TEK: variants seen among roughly 807,000 people sequenced by gnomAD.
TEK encodes angiopoietin-1 receptor.
A neutral mutation model predicts 131.8 loss-of-function variants in TEK; 43 were observed. The observed-to-expected ratio is 0.33, with a 90% confidence interval of 0.26 to 0.42. The LOEUF is 0.42. TEK is among the 10% of genes least tolerant of loss of function. TEK has a pLI of 1.00. For missense variants in TEK, 1,162 were observed against 1,384.4 expected (o/e 0.84, Z 2.55); for synonymous variants, 580 against 491.6 (o/e 1.18, Z -2.38).
chr9:27,176,429 G>T (rs983844701), intron 6 of TEK, among the ~76,000 whole-genome samples: 1 of 152,162 alleles, frequency 6.6e-6, no homozygotes, highest in Non-Finnish European at 1.5e-5. Flanking sequence ...AAGGTCTTCT[G>T]CCATCCCAAC....
At chr9:27,207,631 C>T (rs1587015372) in intron 15 of TEK, among the ~76,000 whole-genome samples, 1 of 152,286 alleles carries the variant, frequency 6.6e-6, no homozygotes, top group East Asian at 1.9e-4. Flanking sequence ...TGTGAGGCTG[C>T]ACTATTGATT....
At chr9:27,217,881 C>G (rs1401471817) in intron 19 of TEK, 123 bp downstream of exon 19, 7 of 861,600 alleles carry the variant, frequency 8.1e-6, no homozygotes, top group Non-Finnish European at 1.3e-5. Flanking sequence ...AACTAAAAAG[C>G]TCAGGAAATA....
At chr9:27,153,011 T>C (rs759920793) in intron 1 of TEK, among the ~76,000 whole-genome samples, 1 of 152,210 alleles carries the variant, frequency 6.6e-6, no homozygotes, top group Non-Finnish European at 1.5e-5. Flanking sequence ...CTGTTCAATA[T>C]AGAACACAGA....
At chr9:27,221,801 C>G (rs959416048) in intron 21 of TEK, among the ~76,000 whole-genome samples, 1 of 152,160 alleles carries the variant, frequency 6.6e-6, no homozygotes, top group African/African-American at 2.4e-5. Flanking sequence ...AGTGCAAAAC[C>G]GCTGAAAATT....
At chr9:27,214,516 C>T (rs767591361) in intron 18 of TEK, among the ~76,000 whole-genome samples, 22 of 152,252 alleles carry the variant, frequency 1.4e-4, no homozygotes, top group South Asian at 4.1e-4. Flanking sequence ...GCTCAGGTTC[C>T]GGCATTTATT....
intron 21 of TEK, among the ~76,000 whole-genome samples, chr9:27,223,386 G>A (rs975647985): frequency 2.6e-5 from 4 of 152,130 alleles, no homozygotes; most frequent in African/African-American, 9.7e-5. Context: ...ACATTCCTAA[G>A]CAAATGCGAA....
intron 9 of TEK, among the ~76,000 whole-genome samples, chr9:27,187,521 T>C (rs1234986704): frequency 1.3e-5 from 2 of 152,154 alleles, no homozygotes; most frequent in Non-Finnish European, 2.9e-5. Context: ...GTTGTATTCA[T>C]AGTAGCCCCA....
chr9:27,181,656 A>T (rs991185728), intron 7 of TEK, among the ~76,000 whole-genome samples: 7 of 152,148 alleles, frequency 4.6e-5, no homozygotes, highest in African/African-American at 1.7e-4. Context: ...CATTTATAGT[A>T]TGTCGTCTGT....
intron 7 of TEK, 135 bp from the exon 8 acceptor site, chr9:27,183,324 T>C: frequency 2.1e-6 from 2 of 954,366 alleles, no homozygotes; most frequent in Non-Finnish European, 3.3e-6. Context: ...AGGTGTCTTA[T>C]GTGATGACAA....
intron 2 of TEK, among the ~76,000 whole-genome samples, chr9:27,166,612 T>C (rs1290373302): frequency 1.3e-5 from 2 of 152,224 alleles, no homozygotes; most frequent in Admixed American, 6.5e-5. Context: ...TTTTTAGCTT[T>C]ATAATAATTT....
chr9:27,110,493 C>T (rs1035397997), intron 1 of TEK, among the ~76,000 whole-genome samples: 8 of 152,262 alleles, frequency 5.3e-5, no homozygotes, highest in Admixed American at 2.6e-4. Context: ...ATCACAAATA[C>T]ATTTATCATT....
At chr9:27,123,066 A>C (rs965247476) in intron 1 of TEK, among the ~76,000 whole-genome samples, 1 of 149,952 alleles carries the variant, frequency 6.7e-6, no homozygotes, top group Non-Finnish European at 1.5e-5. Context: ...AAAAAAAAAA[A>C]AAAAAAAAAA....
intron 21 of TEK, among the ~76,000 whole-genome samples, chr9:27,220,812 A>G (rs892303875): frequency 3.3e-5 from 5 of 152,230 alleles, no homozygotes; most frequent in Non-Finnish European, 4.4e-5. Flanking sequence ...TCTGGTGCCT[A>G]TGCCAACAGG....
intron 18 of TEK, among the ~76,000 whole-genome samples, chr9:27,217,316 C>T (rs1825851448): frequency 6.6e-6 from 1 of 152,138 alleles, no homozygotes; most frequent in East Asian, 1.9e-4. Flanking sequence ...ACCCCAGTTT[C>T]CCTTTTCCAC....
intron 2 of TEK, among the ~76,000 whole-genome samples, chr9:27,164,165 A>G (rs1277443938): frequency 6.6e-6 from 1 of 152,166 alleles, no homozygotes; most frequent in African/African-American, 2.4e-5. Flanking sequence ...GATCTTGGAC[A>G]GGTTACCTAG....
At chr9:27,145,431 CTT>C (rs1822880375) in intron 1 of TEK, among the ~76,000 whole-genome samples, 1 of 152,188 alleles carries the variant, frequency 6.6e-6, no homozygotes, top group Non-Finnish European at 1.5e-5. Context: ...TCCAAGATGA[CTT>C]TAAAAACAGT....
chr9:27,157,573 G>C (rs1188596202), intron 1 of TEK, among the ~76,000 whole-genome samples: 1 of 152,132 alleles, frequency 6.6e-6, no homozygotes, highest in African/African-American at 2.4e-5. Context: ...TGGCTTGTTG[G>C]GGGAATAATG....
intron 17 of TEK, 51 bp from the exon 18 acceptor site, chr9:27,213,433 C>A (rs767747959): frequency 2.9e-6 from 4 of 1,382,546 alleles, no homozygotes; most frequent in Non-Finnish European, 4.1e-6. Context: ...AAGTTTTCAG[C>A]CCTGGGGCTT....
At chr9:27,138,208 G>C (rs113645880) in intron 1 of TEK, among the ~76,000 whole-genome samples, 2,632 of 152,322 alleles carry the variant, frequency 0.017, 34 homozygotes, top group Non-Finnish European at 0.027. Context: ...AAAGAACAAA[G>C]ATTCCACAGT....
Sources: gnomAD v4.1 joint callset for allele counts (sites outside exome capture counted in the v4.1 genomes callset) on GRCh38, gnomAD v4.1.1 for gene constraint, MANE v1.5 for transcripts, NCBI Gene and HGNC (gene_info 2026-07-23, HGNC 2026-07-21) for gene names.